ENOX1: variants seen among roughly 807,000 people sequenced by gnomAD.
The protein encoded by ENOX1 is ecto-NOX disulfide-thiol exchanger 1.
A neutral mutation model predicts 82.5 loss-of-function variants in ENOX1; 42 were observed. The observed-to-expected ratio is 0.51, with a 90% CI of 0.40 to 0.66. The LOEUF is 0.66. Ranked by LOEUF, ENOX1 falls within the 30% of genes least tolerant of loss-of-function variation. ENOX1 has a pLI of 0.00. For missense variants in ENOX1, 608 were observed against 811.6 expected (o/e 0.75, Z 3.05); for synonymous variants, 271 against 282.2 (o/e 0.96, Z 0.40).
chr13:43,604,207 C>G (rs1187996939), intron 2 of ENOX1, among the ~76,000 whole-genome samples: 1 of 150,546 alleles, frequency 6.6e-6, no homozygotes, highest in African/African-American at 2.4e-5. Flanking sequence ...TGTCTGTTCA[C>G]GTCCTTTGCC....
chr13:43,684,816 T>C (rs968030131), intron 1 of ENOX1, among the ~76,000 whole-genome samples: 1 of 152,162 alleles, frequency 6.6e-6, no homozygotes, highest in Admixed American at 6.5e-5. Context: ...GAAAGTTGTG[T>C]CTCTTTACAG....
chr13:43,677,448 G>A (rs1410554965), intron 1 of ENOX1, among the ~76,000 whole-genome samples: 1 of 152,180 alleles, frequency 6.6e-6, no homozygotes, highest in Non-Finnish European at 1.5e-5. Flanking sequence ...GCTGTAGAGT[G>A]CCAATGCCAC....
At position 43,236,677 on chromosome 13, in the gene ENOX1, C is replaced by A; in HGVS notation, c.1673G>T (p.Arg558Ile). Residue 558 changes from arginine (R) to isoleucine (I), a missense_variant, in exon 15 of 17, where the codon AGA becomes ATA. Arg to Ile is a moderately conservative substitution (Grantham distance 97). Transcript: ENST00000690772. The stretch of plus-strand genomic sequence containing the variant: ...TTTCTCTGATTTTAAGCCTTGGCTT[C>A]TTTTCTCAATATTGTTCTCTCGGTC... ...NQDRENNIEKRSQGLKSEKEA... is the reference protein window; with the variant it reads ...NQDRENNIEKISQGLKSEKEA... 1 of 1,588,274 alleles carries A rather than the reference C, an allele frequency of 6.3e-7. No homozygotes were observed. The highest frequency in any genetic ancestry group is 8.5e-7 in the Non-Finnish European group (1 of 1,173,592).
intron 11 of ENOX1, among the ~76,000 whole-genome samples, chr13:43,317,278 G>A (rs1174338235): frequency 6.6e-6 from 1 of 152,190 alleles, no homozygotes; most frequent in Non-Finnish European, 1.5e-5. Flanking sequence ...CAGTGTGAAT[G>A]ACAGAGCCCC....
Position 43,221,778 on chromosome 13 carries a change from C to G in ENOX1, c.1800+2275G>C, listed in dbSNP as rs145949326. ...CCTTCCATTCCTAGTCATTCTTACA[C>G]CCATATGTAGCCTTTGGGGAAATCC... On this transcript the variant is annotated intron_variant, in intron 16 of 16. Transcript: ENST00000690772. Among the ~76,000 whole-genome samples, 4 of 152,304 alleles carry G rather than the reference C, an allele frequency of 2.6e-5. No homozygotes were observed. In the East Asian group the frequency reaches 7.7e-4, roughly 29 times the overall value.
intron 1 of ENOX1, among the ~76,000 whole-genome samples, chr13:43,754,823 T>C (rs561540393): frequency 6.6e-6 from 1 of 152,154 alleles, no homozygotes; most frequent in Non-Finnish European, 1.5e-5. Flanking sequence ...CCTCCCACCA[T>C]GGTCTTCCAA....
intron 5 of ENOX1, among the ~76,000 whole-genome samples, chr13:43,368,801 C>T (rs576934635): frequency 6.6e-6 from 1 of 152,298 alleles, no homozygotes; most frequent in Admixed American, 6.5e-5. Flanking sequence ...CAGAAAGCAA[C>T]CTGGGCATTA....
At chr13:43,482,754 C>A (rs989550329) in intron 3 of ENOX1, among the ~76,000 whole-genome samples, 2 of 152,070 alleles carry the variant, frequency 1.3e-5, no homozygotes, top group African/African-American at 4.8e-5. Context: ...CAGAATCTTG[C>A]TTGTAGACTA....
intron 1 of ENOX1, among the ~76,000 whole-genome samples, chr13:43,727,694 C>T (rs1208998361): frequency 4.6e-5 from 7 of 152,138 alleles, no homozygotes; most frequent in East Asian, 3.8e-4. Context: ...CTATTCTCCC[C>T]TCTACCCCAC....
intron 14 of ENOX1, among the ~76,000 whole-genome samples, chr13:43,252,116 G>T (rs769975479): frequency 6.6e-6 from 1 of 152,162 alleles, no homozygotes; most frequent in African/African-American, 2.4e-5. Flanking sequence ...TCAAACATAA[G>T]TAGCTCACCA....
chr13:43,700,814 G>A (rs2086869050), intron 1 of ENOX1, among the ~76,000 whole-genome samples: 1 of 152,036 alleles, frequency 6.6e-6, no homozygotes, highest in African/African-American at 2.4e-5. Flanking sequence ...GCTGTGTCTT[G>A]AAAGAAAAAC....
intron 2 of ENOX1, among the ~76,000 whole-genome samples, chr13:43,592,564 T>C (rs550154755): frequency 3.3e-5 from 5 of 152,324 alleles, no homozygotes; most frequent in Admixed American, 6.5e-5. Context: ...TCCTCAAAAT[T>C]AGTTTGGTTG....
Position 43,392,476 on chromosome 13 carries a change from C to G in ENOX1, c.208+19440G>C, listed in dbSNP as rs565662176. Among the ~76,000 whole-genome samples, 14 of 152,230 alleles carry G rather than the reference C, an allele frequency of 9.2e-5. 1 individual carries two copies. Among genetic ancestry groups the G allele is most frequent in the East Asian group, 1.9e-4 (1 of 5,170 alleles). On this transcript the variant is annotated intron_variant, in intron 5 of 16. Transcript: ENST00000690772. Reference sequence around the variant, plus strand: ...GGTGGATCCCCTGAGGTCAGGAGTTCAAGACCAGCCTGGCCAATGTGGTGA... The same window carrying G: ...GGTGGATCCCCTGAGGTCAGGAGTTGAAGACCAGCCTGGCCAATGTGGTGA...
chr13:43,407,561 G>T (rs1247367619), intron 5 of ENOX1, among the ~76,000 whole-genome samples: 2 of 152,120 alleles, frequency 1.3e-5, no homozygotes, highest in East Asian at 3.8e-4. Flanking sequence ...CATGCATTAG[G>T]TATTTGTCCT....
intron 15 of ENOX1, among the ~76,000 whole-genome samples, chr13:43,225,099 G>A (rs2041965793): frequency 6.6e-6 from 1 of 152,202 alleles, no homozygotes; most frequent in African/African-American, 2.4e-5. Flanking sequence ...AAAAAAGAAG[G>A]AAATGATGCC....
At chr13:43,705,456 GAT>G (rs2087212689) in intron 1 of ENOX1, among the ~76,000 whole-genome samples, 3 of 150,646 alleles carry the variant, frequency 2.0e-5, no homozygotes, top group African/African-American at 7.3e-5. Flanking sequence ...TAAATGTAAA[GAT>G]ATATGCAAGT....
intron 3 of ENOX1, among the ~76,000 whole-genome samples, chr13:43,456,138 A>T (rs1009836362): frequency 4.6e-5 from 7 of 152,056 alleles, no homozygotes; most frequent in Non-Finnish European, 7.4e-5. Flanking sequence ...TATAGATATA[A>T]CAGTATCTCT....
At chr13:43,485,124 C>T (rs953642727) in intron 2 of ENOX1, among the ~76,000 whole-genome samples, 2 of 152,196 alleles carry the variant, frequency 1.3e-5, no homozygotes, top group Non-Finnish European at 2.9e-5. Context: ...TTTGTGGCTA[C>T]ATTCACCTTA....
At chr13:43,759,850 C>T (rs1950868952) in intron 1 of ENOX1, among the ~76,000 whole-genome samples, 1 of 152,172 alleles carries the variant, frequency 6.6e-6, no homozygotes, top group Non-Finnish European at 1.5e-5. Flanking sequence ...ACCCACCCAT[C>T]CATTCATTTA....
Sources: gnomAD v4.1 joint callset for allele counts (sites outside exome capture counted in the v4.1 genomes callset) on GRCh38, gnomAD v4.1.1 for gene constraint, MANE v1.5 for transcripts, NCBI Gene and HGNC (gene_info 2026-07-23, HGNC 2026-07-21) for gene names.